Variants in ARAP2 observed in about 807,000 individuals in gnomAD.
ARAP2 encodes the protein arf-GAP with Rho-GAP domain, ANK repeat and PH domain-containing protein 2.
ARAP2 carries 148 observed loss-of-function variants against 194.5 expected under a neutral mutation model. The observed-to-expected ratio is 0.76, with a 90% confidence interval of 0.67 to 0.87. ARAP2 has a LOEUF of 0.87. Among genes scored for constraint, ARAP2 ranks in the 40% least tolerant of loss-of-function variants. ARAP2 has a pLI of 0.00. For missense variants in ARAP2, 2,128 were observed against 1,989.7 expected, an observed-to-expected ratio of 1.07 and a Z score of -1.32; for synonymous variants, 695 against 683.5, an observed-to-expected ratio of 1.02 and a Z score of -0.26.
intron 5 of ARAP2, among the ~76,000 whole-genome samples, chr4:36,211,831 A>G (rs1270071233): frequency 6.6e-6 from 1 of 152,092 alleles, no homozygotes; most frequent in Admixed American, 6.6e-5. Flanking sequence ...CTACTATGTA[A>G]TCTCAAAAAT....
At chr4:36,151,778 G>A (rs982507201) in intron 15 of ARAP2, among the ~76,000 whole-genome samples, 11 of 151,820 alleles carry the variant, frequency 7.2e-5, no homozygotes, top group East Asian at 1.9e-4. Context: ...ATATATACCC[G>A]TATATACATA....
chr4:36,034,779 T>C (rs1011397794), intron 5 of ARAP2, among the ~76,000 whole-genome samples: 9 of 152,134 alleles, frequency 5.9e-5, no homozygotes, highest in African/African-American at 2.2e-4. Flanking sequence ...CAATGCCTAG[T>C]TGAGGATTCT....
chr4:36,113,850 T>A (rs1054058633), intron 26 of ARAP2, among the ~76,000 whole-genome samples: 1 of 152,018 alleles, frequency 6.6e-6, no homozygotes, highest in Non-Finnish European at 1.5e-5. Context: ...CTTGTTCTTG[T>A]TAAATAACAG....
rs77948144 is a variant in ARAP2, at chr4:36,164,117, A to G, written c.2173+797T>C. Among the ~76,000 whole-genome samples, 559 of 152,296 alleles carry G rather than the reference A, an allele frequency of 3.7e-3. 1 individual carries two copies. The highest frequency in any genetic ancestry group is 6.6e-3 in the Non-Finnish European group (449 of 68,020). ...GTGGAGGAAATGTCATGTCTTATAC[A>G]TGTTTTTAATTCCCCGCACCAGCAC... On this transcript the variant is annotated intron_variant, in intron 11 of 32. Transcript: ENST00000303965.
At chr4:36,073,535 C>G (rs1285359680) in intron 32 of ARAP2, among the ~76,000 whole-genome samples, 154 bp downstream of exon 32, 1 of 152,096 alleles carries the variant, frequency 6.6e-6, no homozygotes, top group Non-Finnish European at 1.5e-5. Context: ...GTTATTCATA[C>G]TGTTTTCTTG....
At position 36,124,903 on chromosome 4, in the gene ARAP2, G is replaced by A. The variant is rs934919109; in HGVS notation, c.3705C>T (p.Val1235=). 3 of 1,610,956 alleles carry A rather than the reference G, an allele frequency of 1.9e-6. No individual in the cohort carries two copies. Among genetic ancestry groups the A allele is most frequent in the Non-Finnish European group, 8.5e-7 (1 of 1,178,166 alleles). ...TGATAGCTGCTAGTGTTGCTCGGTT[G>A]ACCCCTGGAAGAGAACGTATAAATG... ...YGAFIRSLPG[V]NRATLAAIIE... is the part of the protein sequence containing the mutation. Residue 1235 remains valine (V), a synonymous_variant, in exon 22 of 33, where the codon GTC becomes GTT. Coordinates refer to ENST00000303965, the MANE Select transcript of ARAP2 (RefSeq NM_015230.4).
chr4:36,244,518 G>C (rs987241917), upstream of ARAP2: 63 of 151,330 alleles, frequency 4.2e-4, no homozygotes, highest in African/African-American at 1.5e-3. Flanking sequence ...CTTCCTCTCC[G>C]CCCGCGGGGG....
At chr4:36,207,302 C>G (rs1032166627) in intron 6 of ARAP2, among the ~76,000 whole-genome samples, 2 of 152,210 alleles carry the variant, frequency 1.3e-5, no homozygotes, top group African/African-American at 4.8e-5. Flanking sequence ...TTTTTAAAAG[C>G]AAGTATCACT....
chr4:36,025,468 C>T (rs534584756), intron 5 of ARAP2, among the ~76,000 whole-genome samples: 3 of 152,250 alleles, frequency 2.0e-5, no homozygotes, highest in Admixed American at 2.0e-4. Context: ...TGTCTCGTCA[C>T]TGGCGTGGAA....
In ARAP2 at chr4:36,128,668, C is replaced by T; in HGVS notation, c.3505G>A (p.Asp1169Asn). ...GCCCTCAATTTAAAGCTTCTTGCAT[C>T]CTTTTTGAAACTCTCCAGGAGTTCA... ...ISELLESFKK[D>N]ARSFKLRAGK... The change falls in exon 21 of 33, where the codon GAT becomes AAT. Residue 1169 changes from aspartate to asparagine, a missense_variant. Coordinates refer to ENST00000303965, the MANE Select transcript of ARAP2 (RefSeq NM_015230.4). 1.2e-6 allele frequency: 2 copies of T among 1,612,822 alleles called. No homozygotes were observed. Among genetic ancestry groups the T allele is most frequent in the Non-Finnish European group, 1.7e-6 (2 of 1,179,384 alleles).
intron 3 of ARAP2, among the ~76,000 whole-genome samples, chr4:36,214,068 C>A (rs1264857206): frequency 6.6e-6 from 1 of 152,152 alleles, no homozygotes; most frequent in African/African-American, 2.4e-5. Context: ...ACAGCCCTTT[C>A]CAGTTACCAT....
At chr4:36,132,478 GTAACATTT>G (rs1297080940) in intron 20 of ARAP2, among the ~76,000 whole-genome samples, 2 of 151,700 alleles carry the variant, frequency 1.3e-5, no homozygotes, top group Non-Finnish European at 2.9e-5. Flanking sequence ...AGGGCTCATG[GTAACATTT>G]TAACATTTTT....
downstream of ARAP2, among the ~76,000 whole-genome samples, chr4:36,063,462 G>GA (rs11286192): frequency 1.2e-3 from 159 of 132,172 alleles, no homozygotes; most frequent in Admixed American, 1.3e-3. Context: ...TTTAAAAAAA[G>GA]AAAAAAAAAA....
At chr4:36,158,683 G>A in intron 15 of ARAP2, 47 bp downstream of exon 15, 1 of 1,470,634 alleles carries the variant, frequency 6.8e-7, no homozygotes, top group South Asian at 1.3e-5. Context: ...TTTGATAATG[G>A]AATAAAGTTT....
chr4:36,117,253 C>T, intron 24 of ARAP2, 118 bp from the exon 25 acceptor site: 2 of 664,690 alleles, frequency 3.0e-6, no homozygotes, highest in Non-Finnish European at 4.7e-6. Context: ...AACAATGAAA[C>T]AAGCTCAATT....
intron 11 of ARAP2, 87 bp from the exon 12 acceptor site, chr4:36,161,637 G>T: frequency 9.3e-7 from 1 of 1,073,344 alleles, no homozygotes; most frequent in South Asian, 1.3e-5. Flanking sequence ...ATATGTCTGT[G>T]TATGTTCGTT....
chr4:36,207,407 T>G (rs929545586), intron 6 of ARAP2, among the ~76,000 whole-genome samples: 8 of 152,196 alleles, frequency 5.3e-5, no homozygotes, highest in Non-Finnish European at 1.2e-4. Flanking sequence ...AACCACTAGT[T>G]TTAGGGATGT....
intron 6 of ARAP2, among the ~76,000 whole-genome samples, chr4:36,198,314 T>A (rs4428311): frequency 5.3e-5 from 8 of 152,108 alleles, no homozygotes; most frequent in Admixed American, 1.3e-4. Context: ...GGAGGAAGTG[T>A]GCACCAACTG....
intron 27 of ARAP2, among the ~76,000 whole-genome samples, chr4:36,101,396 G>GATT (rs61553104): frequency 0.035 from 5,256 of 149,930 alleles, 109 homozygotes; most frequent in East Asian, 0.093. Flanking sequence ...AAGTACCAGA[G>GATT]TTTTTTTTTT....
Sources: allele counts gnomAD v4.1 joint callset (sites outside exome capture counted in the v4.1 genomes callset), GRCh38; gene constraint gnomAD v4.1.1; transcripts MANE v1.5; gene names NCBI Gene and HGNC (gene_info 2026-07-23, HGNC 2026-07-21).